GATB: variants seen among roughly 807,000 people sequenced by gnomAD.
GATB encodes the protein glutamyl-tRNA(Gln) amidotransferase subunit B, mitochondrial.
In GATB, 39 loss-of-function variants were observed where a neutral mutation model predicts 62.3. The ratio of observed to expected loss-of-function variants is 0.63; its 90% confidence interval spans 0.48 to 0.82. GATB has a LOEUF of 0.82. GATB is among the 40% of genes least tolerant of loss of function. GATB has a pLI of 0.00. For synonymous variants in GATB, 276 were observed against 258.9 expected (o/e 1.07, Z -0.63); for missense variants, 670 against 684.0 (o/e 0.98, Z 0.23).
chr4:151,695,175 T>A (rs1262448036), intron 9 of GATB, among the ~76,000 whole-genome samples: 1 of 152,190 alleles, frequency 6.6e-6, no homozygotes, highest in Non-Finnish European at 1.5e-5. Context: ...ATGAACTGTT[T>A]TAGCGCGTTG....
intron 2 of GATB, among the ~76,000 whole-genome samples, chr4:151,751,592 T>C (rs1560867088): frequency 6.6e-6 from 1 of 152,260 alleles, no homozygotes; most frequent in East Asian, 1.9e-4. Flanking sequence ...CTTCCAATTA[T>C]GGTAGGTAAG....
chr4:151,694,963 A>C, intron 9 of GATB, among the ~76,000 whole-genome samples: 1 of 152,136 alleles, frequency 6.6e-6, no homozygotes, highest in East Asian at 1.9e-4. Context: ...GAAACAAAGG[A>C]TTATGATTTT....
chr4:151,687,492 C>T (rs1197964000), intron 10 of GATB, among the ~76,000 whole-genome samples: 2 of 152,252 alleles, frequency 1.3e-5, no homozygotes, highest in Non-Finnish European at 1.5e-5. Flanking sequence ...GCCACTGCCA[C>T]CTTGGCTCAG....
chr4:151,753,371 T>C (rs1739759922), intron 2 of GATB, among the ~76,000 whole-genome samples: 1 of 152,136 alleles, frequency 6.6e-6, no homozygotes. Flanking sequence ...TAAGGTTGTG[T>C]AGGACACATC....
At chr4:151,683,692 A>C (rs1738190379) in intron 10 of GATB, among the ~76,000 whole-genome samples, 1 of 152,210 alleles carries the variant, frequency 6.6e-6, no homozygotes, top group South Asian at 2.1e-4. Context: ...CCTCTGTCAC[A>C]TATGCTTCTT....
At chr4:151,705,737 G>A (rs747743094) in intron 6 of GATB, among the ~76,000 whole-genome samples, 2 of 152,174 alleles carry the variant, frequency 1.3e-5, no homozygotes, top group Non-Finnish European at 2.9e-5. Context: ...AGGGACCCAC[G>A]ACCCCAAATG....
At chr4:151,740,401 G>A (rs112053577) in intron 2 of GATB, among the ~76,000 whole-genome samples, 16 of 152,302 alleles carry the variant, frequency 1.1e-4, no homozygotes, top group African/African-American at 3.4e-4. Flanking sequence ...CTACTAACCT[G>A]TACAGCATGT....
intron 2 of GATB, among the ~76,000 whole-genome samples, chr4:151,754,183 G>A (rs1432770981): frequency 2.6e-5 from 4 of 152,134 alleles, no homozygotes; most frequent in Non-Finnish European, 4.4e-5. Context: ...GGGCTTATAT[G>A]GTACAGGCTA....
At chr4:151,672,537 CA>C (rs1737896696) in intron 12 of GATB, 1 of 538,956 alleles carries the variant, frequency 1.9e-6, no homozygotes, top group East Asian at 2.9e-5. Context: ...GAGTAAACTC[CA>C]GGGGTGGCAT....
chr4:151,686,800 A>C (rs1474125655), intron 10 of GATB: 3 of 152,290 alleles, frequency 2.0e-5, no homozygotes, highest in Non-Finnish European at 4.4e-5. Context: ...ACCCTCCCTG[A>C]AAGTTCTCAT....
rs758406695 is a variant in GATB, at chr4:151,701,502, T to G, written c.1024A>C (p.Asn342His). 1.3e-6 allele frequency: 2 copies of G among 1,564,920 alleles called. No homozygotes were observed. Among genetic ancestry groups the G allele is most frequent in the Admixed American group, 3.6e-5 (2 of 54,934 alleles). ...TCGTAGAGCACCAGGGGAGGCAGGT[T>G]GGGTTCTGGCATGAACCTGGGCAGA... ...KQDYRFMPEPNLPPLVLYDAT... is the reference protein window; with the variant it reads ...KQDYRFMPEPHLPPLVLYDAT... The change falls in exon 9 of 13, where the codon AAC (asparagine) becomes CAC (histidine). Residue 342 changes from asparagine (N) to histidine (H), a missense_variant. Asn to His is a moderately conservative substitution (Grantham distance 68). Transcript: ENST00000263985.
Position 151,679,899 on chromosome 4 carries a change from C to T in GATB, c.1332-8G>A. ...GCAGAGGGTGTGACAGGACTGGTGG[C>T]CCCCAAAAGAGAAAACACATTTACA... On this transcript the variant is annotated splice_polypyrimidine_tract_variant and splice_region_variant and intron_variant, in intron 10 of 12. Transcript: ENST00000263985. The T allele has an allele frequency of 6.2e-7, 1 of 1,613,526 alleles. No individual in the cohort carries two copies. Among genetic ancestry groups the T allele is most frequent in the East Asian group, 2.2e-5 (1 of 44,874 alleles).
chr4:151,735,736 G>GTATATATATATATATATATATA (rs137893198), intron 2 of GATB, among the ~76,000 whole-genome samples: 8 of 104,064 alleles, frequency 7.7e-5, no homozygotes, highest in African/African-American at 2.1e-4. Flanking sequence ...AAACTGTGGT[G>GTATATATATATATATATATATA]TATATATATA....
At chr4:151,748,286 G>A (rs1024780017) in intron 2 of GATB, among the ~76,000 whole-genome samples, 3 of 152,078 alleles carry the variant, frequency 2.0e-5, no homozygotes, top group Admixed American at 6.5e-5. Flanking sequence ...ACAGTAACCA[G>A]AACAGCATGG....
In GATB at chr4:151,716,975, T is replaced by G; in HGVS notation, c.541A>C (p.Lys181Gln). ...AGKKQSQVIP[K>Q]TVRIKQIQLE... ...TGGATCTGCTTGATCCTCACCGTCT[T>G]GGGGATCACCTGACTCTGCTTCTTC... The change falls in exon 4 of 13, where the codon AAG becomes CAG. Residue 181 changes from lysine to glutamine, a missense_variant. Lys to Gln is a moderately conservative substitution (Grantham distance 53). Transcript: ENST00000263985. 1 of 1,614,152 alleles carries G rather than the reference T, an allele frequency of 6.2e-7. No individual in the cohort carries two copies. Among genetic ancestry groups the G allele is most frequent in the East Asian group, 2.2e-5 (1 of 44,870 alleles).
intron 7 of GATB, 86 bp from the exon 8 acceptor site, chr4:151,703,981 G>A: frequency 1.2e-6 from 1 of 839,948 alleles, no homozygotes; most frequent in Non-Finnish European, 2.0e-6. Context: ...TACCAATAAG[G>A]GGCACAGGCA....
intron 2 of GATB, among the ~76,000 whole-genome samples, chr4:151,726,500 TA>T (rs1422997589): frequency 6.6e-6 from 1 of 152,214 alleles, no homozygotes; most frequent in Non-Finnish European, 1.5e-5. Context: ...CAGAACCACA[TA>T]AATATATATG....
rs143583796 is a variant in GATB, at chr4:151,755,257, A to G, written c.327+3515T>C. Reference sequence around the variant, plus strand: ...AGTAATCTACATGAAAATTCTATTCATCTCACTAGAATTTTTATCTTTAGC... The same window carrying G: ...AGTAATCTACATGAAAATTCTATTCGTCTCACTAGAATTTTTATCTTTAGC... On this transcript the variant is annotated intron_variant, in intron 2 of 12. Coordinates refer to ENST00000263985, the MANE Select transcript of GATB (RefSeq NM_004564.3). Among the ~76,000 whole-genome samples, 467 of 152,328 alleles carry G rather than the reference A, an allele frequency of 3.1e-3. 1 individual carries two copies. Among genetic ancestry groups the G allele is most frequent in the Non-Finnish European group, 5.5e-3 (375 of 68,030 alleles).
chr4:151,714,209 C>G (rs561682112), intron 5 of GATB, among the ~76,000 whole-genome samples: 1 of 152,324 alleles, frequency 6.6e-6, no homozygotes, highest in Non-Finnish European at 1.5e-5. Flanking sequence ...CTATCAGGAA[C>G]TCACAGAACC....
Sources: gnomAD v4.1 joint callset for allele counts (sites outside exome capture counted in the v4.1 genomes callset) on GRCh38, gnomAD v4.1.1 for gene constraint, MANE v1.5 for transcripts, NCBI Gene and HGNC (gene_info 2026-07-23, HGNC 2026-07-21) for gene names.